CRADD: variants seen among roughly 807,000 people sequenced by gnomAD.
CRADD encodes CARD and death domain containing adaptor protein.
Under a neutral mutation model 15.5 loss-of-function variants are expected in CRADD, and 9 were observed. That is an observed-to-expected ratio of 0.58 (90% confidence interval 0.35 to 1.01). The LOEUF (loss-of-function observed/expected upper bound fraction) is 1.01, where lower values mean the gene tolerates loss of function less well. Among genes scored for constraint, CRADD ranks in the 50% least tolerant of loss-of-function variants. The pLI is 0.02. For missense variants in CRADD, 227 were observed against 250.3 expected (o/e 0.91, Z 0.63); for synonymous variants, 118 against 107.6 (o/e 1.10, Z -0.60).
At chr12:93,867,708 A>G (rs1190213328) in intron 2 of CRADD, among the ~76,000 whole-genome samples, 1 of 152,200 alleles carries the variant, frequency 6.6e-6, no homozygotes, top group Non-Finnish European at 1.5e-5. Context: ...GTAAATTGCG[A>G]ATACCCATGG....
intron 2 of CRADD, among the ~76,000 whole-genome samples, chr12:93,835,043 A>T (rs1228779428): frequency 6.6e-6 from 1 of 152,226 alleles, no homozygotes; most frequent in Non-Finnish European, 1.5e-5. Flanking sequence ...CTGCATCTGA[A>T]GCAAACCATT....
chr12:93,812,640 G>A (rs1350636820), intron 2 of CRADD, among the ~76,000 whole-genome samples: 1 of 152,142 alleles, frequency 6.6e-6, no homozygotes, highest in African/African-American at 2.4e-5. Flanking sequence ...AATCCAGCTG[G>A]TTGCTAAATG....
chr12:93,819,728 G>A (rs1461747437), intron 2 of CRADD, among the ~76,000 whole-genome samples: 1 of 152,230 alleles, frequency 6.6e-6, no homozygotes, highest in African/African-American at 2.4e-5. Context: ...GCGTAAGAGG[G>A]CAGGGAGCTG....
At chr12:93,857,678 G>A (rs1413930416) in intron 2 of CRADD, among the ~76,000 whole-genome samples, 3 of 152,214 alleles carry the variant, frequency 2.0e-5, no homozygotes, top group African/African-American at 4.8e-5. Context: ...TGTGGTGGAA[G>A]CCTTGGGCTA....
intron 2 of CRADD, among the ~76,000 whole-genome samples, chr12:93,864,592 T>G (rs891328092): frequency 6.6e-6 from 1 of 152,190 alleles, no homozygotes; most frequent in African/African-American, 2.4e-5. Flanking sequence ...AGGATAAAAG[T>G]GAGGGTCACT....
chr12:93,834,006 G>A (rs1031465819), intron 2 of CRADD, among the ~76,000 whole-genome samples: 2 of 152,116 alleles, frequency 1.3e-5, no homozygotes, highest in African/African-American at 4.8e-5. Context: ...TTTAATTACC[G>A]GGTCTCCAGT....
chr12:93,861,548 G>T lies in CRADD; in HGVS notation c.299-32502G>T, dbSNP rs552534213. 3.3e-5 allele frequency among the ~76,000 whole-genome samples: 5 copies of T among 152,318 alleles called. No individual in the cohort carries two copies. The East Asian group carries it at 7.7e-4, about 24-fold the overall frequency. ...CCAGTGACACTTCCCCTGCCTGGAG[G>T]CTTGTTAGTGAGGGCTACAAAGGCC... On this transcript the variant is annotated intron_variant, in intron 2 of 2. Transcript: ENST00000548483.
In CRADD at chr12:93,756,850, C is replaced by A. The variant is rs76476917; in HGVS notation, c.298+77778C>A. On this transcript the variant is annotated intron_variant, in intron 2 of 2. Transcript: ENST00000332896. ...GACACACAACCTCCTAGCCTTCATC[C>A]ACACTGGAAGGTATCTCTCATTCTC... Among the ~76,000 whole-genome samples, 23 of 152,330 alleles carry A rather than the reference C, an allele frequency of 1.5e-4. No individual in the cohort carries two copies. The East Asian group carries it at 4.4e-3, about 29-fold the overall frequency.
At chr12:93,878,332 C>G (rs1242497872) in intron 2 of CRADD, among the ~76,000 whole-genome samples, 1 of 152,140 alleles carries the variant, frequency 6.6e-6, no homozygotes, top group Non-Finnish European at 1.5e-5. Flanking sequence ...AGTGTCCTTT[C>G]CTGCTGTGGC....
chr12:93,710,704 A>G (rs1046199732), intron 2 of CRADD, among the ~76,000 whole-genome samples: 2 of 152,006 alleles, frequency 1.3e-5, no homozygotes, highest in East Asian at 1.9e-4. Flanking sequence ...ATCACATCCT[A>G]TTGGTCAAAA....
At chr12:93,780,777 G>A (rs1038697801) in intron 2 of CRADD, among the ~76,000 whole-genome samples, 3 of 146,980 alleles carry the variant, frequency 2.0e-5, no homozygotes, top group Non-Finnish European at 4.5e-5. Context: ...TCTTCCTTCT[G>A]TTGCCCAGGC....
At chr12:93,856,189 A>G (rs1479676739) in intron 2 of CRADD, among the ~76,000 whole-genome samples, 1 of 152,252 alleles carries the variant, frequency 6.6e-6, no homozygotes, top group Non-Finnish European at 1.5e-5. Context: ...TGTGGTATAG[A>G]AATAGAAACT....
At chr12:93,857,466 T>C (rs1056364980) in intron 2 of CRADD, among the ~76,000 whole-genome samples, 1 of 152,216 alleles carries the variant, frequency 6.6e-6, no homozygotes, top group East Asian at 1.9e-4. Context: ...AGTTACAGAC[T>C]GCTGATGAAT....
chr12:93,749,825 CTT>C (rs923814011), intron 2 of CRADD, among the ~76,000 whole-genome samples: 47 of 152,260 alleles, frequency 3.1e-4, no homozygotes, highest in African/African-American at 1.1e-3. Flanking sequence ...GTGATAGACT[CTT>C]TTTGTGTTTG....
intron 2 of CRADD, among the ~76,000 whole-genome samples, chr12:93,755,208 A>G (rs575258590): frequency 6.6e-6 from 1 of 152,124 alleles, no homozygotes; most frequent in Non-Finnish European, 1.5e-5. Flanking sequence ...CCCTCCCATG[A>G]CATGTGGGTA....
intron 2 of CRADD, among the ~76,000 whole-genome samples, chr12:93,712,592 C>T (rs1030604803): frequency 2.0e-5 from 3 of 152,150 alleles, no homozygotes; most frequent in African/African-American, 4.8e-5. Flanking sequence ...GATTTTTGAT[C>T]CAGAAGCATT....
intron 2 of CRADD, among the ~76,000 whole-genome samples, chr12:93,880,529 G>C (rs1008779392): frequency 6.6e-6 from 1 of 152,024 alleles, no homozygotes; most frequent in Non-Finnish European, 1.5e-5. Context: ...TTTTCATTTT[G>C]CTTCTTCTAA....
intron 2 of CRADD, among the ~76,000 whole-genome samples, chr12:93,741,034 A>G (rs964209535): frequency 2.0e-5 from 3 of 152,190 alleles, no homozygotes; most frequent in African/African-American, 7.2e-5. Context: ...AAGGCCAGCT[A>G]TTAAGTTAGA....
chr12:93,702,907 C>G (rs1021639714), intron 2 of CRADD, among the ~76,000 whole-genome samples: 1 of 152,278 alleles, frequency 6.6e-6, no homozygotes, highest in South Asian at 2.1e-4. Context: ...GACAGAATCA[C>G]CTTTTTGGTA....
Sources: allele counts gnomAD v4.1 joint callset (sites outside exome capture counted in the v4.1 genomes callset), GRCh38; gene constraint gnomAD v4.1.1; transcripts MANE v1.5; gene names NCBI Gene and HGNC (gene_info 2026-07-23, HGNC 2026-07-21).